Variants in MAPT observed in about 807,000 individuals in gnomAD.
MAPT encodes the protein microtubule associated protein tau.
MAPT carries 34 observed loss-of-function variants against 67.9 expected under a neutral mutation model. The ratio of observed to expected loss-of-function variants is 0.50; its 90% confidence interval spans 0.38 to 0.67. MAPT has a LOEUF of 0.67. MAPT is among the 30% of genes least tolerant of loss of function. The pLI, the probability that MAPT is intolerant of heterozygous loss-of-function variation, is 0.00. For missense variants in MAPT, 881 were observed against 1,115.2 expected, an observed-to-expected ratio of 0.79 and a Z score of 2.99; for synonymous variants, 456 against 464.5, an observed-to-expected ratio of 0.98 and a Z score of 0.23.
intron 1 of MAPT, among the ~76,000 whole-genome samples, chr17:45,936,872 A>G (rs1369021191): frequency 6.6e-6 from 1 of 152,190 alleles, no homozygotes; most frequent in African/African-American, 2.4e-5. Flanking sequence ...TATGAGAGCC[A>G]CATATGCCTC....
rs889188645 is a variant in MAPT, at chr17:45,899,458, G to A, written c.-18+4772G>A. ...TCACAACACTTCCGCTATGTAGCAG[G>A]TGCTGTTATTATCTCCGTGATGGGG... On this transcript the variant is annotated intron_variant, in intron 1 of 12. Coordinates refer to ENST00000262410, the MANE Select transcript of MAPT (RefSeq NM_001377265.1). 1.2e-4 allele frequency among the ~76,000 whole-genome samples: 18 copies of A among 152,272 alleles called. No homozygotes were observed. In the South Asian group the frequency reaches 3.3e-3, roughly 28 times the overall value.
At chr17:45,955,104 C>T (rs55821155) in intron 1 of MAPT, among the ~76,000 whole-genome samples, 1 of 152,160 alleles carries the variant, frequency 6.6e-6, no homozygotes, top group Non-Finnish European at 1.5e-5. Flanking sequence ...AACGCAGTCA[C>T]GGGGAAGAGA....
In MAPT at chr17:45,896,486, G is replaced by A. The variant is rs909135531; in HGVS notation, c.-18+1800G>A. ...GCTTCGGCCACACCCATCTTTCTGA[G>A]CCCACTGGACTGGGCGCAGAGGGGG... On this transcript the variant is annotated intron_variant, in intron 1 of 12. Coordinates refer to ENST00000262410, the MANE Select transcript of MAPT (RefSeq NM_001377265.1). The surrounding 1 kb of genome is among the most constrained non-coding windows in gnomAD (Gnocchi z 5.6). 11 of 152,342 alleles carry A rather than the reference G, an allele frequency of 7.2e-5. No individual in the cohort carries two copies. The highest frequency in any genetic ancestry group is 5.2e-4 in the Admixed American group (8 of 15,286). 9.4% of individuals were successfully genotyped at this position (152,342 alleles called of 1,614,324 possible). A position where few individuals can be genotyped will look rare whatever the true frequency, so the allele number is the denominator to read the frequency against.
intron 1 of MAPT, among the ~76,000 whole-genome samples, chr17:45,907,105 C>G (rs1230272844): frequency 6.6e-6 from 1 of 152,188 alleles, no homozygotes; most frequent in East Asian, 1.9e-4. Flanking sequence ...GCCTGCTAAG[C>G]CAAGCTGGCC....
At chr17:45,997,179 C>T (rs927363447) in intron 9 of MAPT, among the ~76,000 whole-genome samples, 4 of 152,152 alleles carry the variant, frequency 2.6e-5, no homozygotes, top group Non-Finnish European at 4.4e-5. Flanking sequence ...TGGGTGCTCG[C>T]GAGCTCTCCA....
chr17:45,999,236 T>C (rs1463510960), intron 9 of MAPT: 1 of 1,588,792 alleles, frequency 6.3e-7, no homozygotes, highest in Non-Finnish European at 8.6e-7. Flanking sequence ...CCCTGTAAAC[T>C]CTGACCACAC....
At chr17:45,955,845 C>T (rs1289917075) in intron 1 of MAPT, among the ~76,000 whole-genome samples, 4 of 152,172 alleles carry the variant, frequency 2.6e-5, no homozygotes, top group Non-Finnish European at 5.9e-5. Flanking sequence ...AAGCGATTCT[C>T]CAGCCTCAGC....
intron 11 of MAPT, among the ~76,000 whole-genome samples, chr17:46,016,254 T>A (rs1329018742): frequency 1.3e-5 from 2 of 151,932 alleles, no homozygotes; most frequent in African/African-American, 4.8e-5. Flanking sequence ...TAGCCAGGCA[T>A]GGTGGCACAT....
chr17:46,002,375 C>A (rs1326587476), intron 9 of MAPT, among the ~76,000 whole-genome samples: 1 of 152,112 alleles, frequency 6.6e-6, no homozygotes, highest in Non-Finnish European at 1.5e-5. Flanking sequence ...CAGGGAGTCC[C>A]AGGGTCCATG....
At chr17:45,952,171 G>A (rs1166472672) in intron 1 of MAPT, among the ~76,000 whole-genome samples, 1 of 152,176 alleles carries the variant, frequency 6.6e-6, no homozygotes, top group Admixed American at 6.5e-5. Context: ...CACTATCTTT[G>A]CATGGGAGTC....
intron 9 of MAPT, among the ~76,000 whole-genome samples, chr17:46,009,784 G>A (rs902433068): frequency 7.2e-5 from 11 of 152,214 alleles, no homozygotes; most frequent in African/African-American, 2.4e-4. Context: ...CTAATTCTAG[G>A]TCAGGGCTAG....
At chr17:45,990,525 A>G (rs2073977490) in intron 7 of MAPT, 1 of 448,674 alleles carries the variant, frequency 2.2e-6, no homozygotes, top group Non-Finnish European at 4.5e-6. Context: ...CTGAGGCACA[A>G]GGATTGCTTG....
At chr17:45,977,685 C>T (rs561358543) in intron 3 of MAPT, 1 of 152,378 alleles carries the variant, frequency 6.6e-6, no homozygotes, top group South Asian at 2.1e-4. Context: ...AAGCTGCTCA[C>T]CAGCACTGCC....
At position 45,983,867 on chromosome 17, in the gene MAPT, T is replaced by A. The variant is rs760049824; in HGVS notation, c.1288T>A (p.Ser430Thr). Residue 430 changes from serine (S) to threonine (T), a missense_variant, in exon 5 of 13, where the codon TCT becomes ACT. By Grantham distance (58) the Ser-to-Thr change is moderately conservative. Coordinates refer to ENST00000262410, the MANE Select transcript of MAPT (RefSeq NM_001377265.1). ...DTKEADLPEP[S>T]EKQPAAAPRG... ...AAAAGAGGCTGACCTTCCAGAGCCC[T>A]CTGAAAAGCAGCCTGCTGCTGCTCC... 3.1e-6 allele frequency: 5 copies of A among 1,599,234 alleles called. No homozygotes were observed. In the Admixed American group the frequency reaches 8.9e-5, roughly 28 times the overall value.
At chr17:46,013,280 A>G (rs12150170) in intron 10 of MAPT, among the ~76,000 whole-genome samples, 21,808 of 152,216 alleles carry the variant, frequency 0.14, 2,134 homozygotes, top group Non-Finnish European at 0.22. Context: ...AGGAATGTCA[A>G]TCAGTGACCT....
intron 12 of MAPT, among the ~76,000 whole-genome samples, chr17:46,019,404 T>C (rs2076384888): frequency 6.6e-6 from 1 of 152,116 alleles, no homozygotes; most frequent in African/African-American, 2.4e-5. Context: ...TCTCCCTCTG[T>C]CATCCAGGCT....
intron 1 of MAPT, among the ~76,000 whole-genome samples, chr17:45,928,722 G>A (rs748739916): frequency 2.0e-5 from 3 of 152,124 alleles, no homozygotes; most frequent in African/African-American, 7.2e-5. Context: ...TTGAGACAGA[G>A]TTTTGCTCTG....
At chr17:45,989,244 C>T (rs1568289653) in intron 6 of MAPT, among the ~76,000 whole-genome samples, 2 of 152,200 alleles carry the variant, frequency 1.3e-5, no homozygotes, top group African/African-American at 4.8e-5. Flanking sequence ...TCAACTTACT[C>T]ATGTGAAGCA....
At chr17:45,907,892 C>T (rs1387980858) in intron 1 of MAPT, 6 of 152,246 alleles carry the variant, frequency 3.9e-5, no homozygotes, top group African/African-American at 1.4e-4. Context: ...AGAGATTTCA[C>T]AGCTGGGGAG....
Sources: gnomAD v4.1 joint callset for allele counts (sites outside exome capture counted in the v4.1 genomes callset) on GRCh38, gnomAD v4.1.1 for gene constraint, Gnocchi (gnomAD v3.1) non-coding constraint, MANE v1.5 for transcripts, NCBI Gene and HGNC (gene_info 2026-07-23, HGNC 2026-07-21) for gene names.